TOMM20L: variants seen among roughly 807,000 people sequenced by gnomAD.
The protein encoded by TOMM20L is translocase of outer mitochondrial membrane 20 like, also known as TOMM20-like protein 1.
Under a neutral mutation model 20.4 loss-of-function variants are expected in TOMM20L, and 19 were observed. That is an observed-to-expected ratio of 0.93 (90% CI 0.65 to 1.36). The LOEUF is 1.36. Among genes scored for constraint, TOMM20L ranks in the 40% most tolerant of loss-of-function variants. The probability of loss-of-function intolerance (pLI) is 0.00; values close to 1 mark genes in which losing one functional copy is unlikely to be tolerated. For missense variants in TOMM20L, 218 were observed against 203.7 expected, an observed-to-expected ratio of 1.07 and a Z score of -0.43; for synonymous variants, 75 against 79.6, an observed-to-expected ratio of 0.94 and a Z score of 0.30.
At chr14:58,409,118 T>C, downstream of TOMM20L, 2 of 1,613,924 alleles carry the variant, frequency 1.2e-6, no homozygotes, top group Non-Finnish European at 8.5e-7. Context: ...TCATGGATAT[T>C]CTTTGTGTCA....
At chr14:58,412,625 G>C (rs1011186027), downstream of TOMM20L, among the ~76,000 whole-genome samples, 1 of 152,116 alleles carries the variant, frequency 6.6e-6, no homozygotes, top group Non-Finnish European at 1.5e-5. Flanking sequence ...AAAAAGCTGG[G>C]TGTGGTGGCT....
At chr14:58,404,099 G>GTGTGTGTGTATATATATATATA (rs1408980666) in intron 3 of TOMM20L, among the ~76,000 whole-genome samples, 6 of 22,942 alleles carry the variant, frequency 2.6e-4, no homozygotes, top group Non-Finnish European at 5.0e-4. Flanking sequence ...ACATATATAT[G>GTGTGTGTGTATATATATATATA]TATATATATA....
chr14:58,417,038 G>A, the TOMM20L span, among the ~76,000 whole-genome samples: 133 of 152,080 alleles, frequency 8.7e-4, no homozygotes, highest in African/African-American at 3.0e-3. Context: ...CTGTTCTCAT[G>A]ATAGTGAATA....
At chr14:58,416,421 A>G in the TOMM20L span, among the ~76,000 whole-genome samples, 3 of 152,348 alleles carry the variant, frequency 2.0e-5, no homozygotes, top group South Asian at 2.1e-4. Context: ...ACAACTGTCA[A>G]TGCAGAAACC....
At chr14:58,408,973 T>C (rs2036119658), downstream of TOMM20L, 1 of 1,581,760 alleles carries the variant, frequency 6.3e-7, no homozygotes, top group East Asian at 2.2e-5. Context: ...AGATGAGTCC[T>C]CATTTCCAAT....
intron 2 of TOMM20L, among the ~76,000 whole-genome samples, chr14:58,398,202 G>A (rs768755193): frequency 1.3e-5 from 2 of 152,202 alleles, no homozygotes; most frequent in African/African-American, 2.4e-5. Flanking sequence ...GCACATTTGT[G>A]TAATTATTTG....
the TOMM20L span, among the ~76,000 whole-genome samples, chr14:58,414,747 A>AAG: frequency 6.6e-6 from 1 of 151,314 alleles, no homozygotes; most frequent in Admixed American, 6.6e-5. Flanking sequence ...AAAAAAAAAA[A>AAG]AAAAGAAAAA....
Sources: gnomAD v4.1 joint callset for allele counts (sites outside exome capture counted in the v4.1 genomes callset) on GRCh38, gnomAD v4.1.1 for gene constraint, MANE v1.5 for transcripts, NCBI Gene and HGNC (gene_info 2026-07-23, HGNC 2026-07-21) for gene names.